Variants in GRM7 observed in about 807,000 individuals in gnomAD.
GRM7 encodes the protein metabotropic glutamate receptor 7.
In GRM7, 35 loss-of-function variants were observed where a neutral mutation model predicts 84.5. The ratio of observed to expected loss-of-function variants is 0.41; its 90% CI spans 0.32 to 0.55. GRM7 has a LOEUF of 0.55. GRM7 is among the 20% of genes least tolerant of loss of function. The probability of loss-of-function intolerance (pLI) is 0.19; values close to 1 mark genes in which losing one functional copy is unlikely to be tolerated. For synonymous variants in GRM7, 487 were observed against 455.1 expected (o/e 1.07, Z -0.89); for missense variants, 1,003 against 1,194.6 (o/e 0.84, Z 2.36).
chr3:7,146,709 C>T lies in GRM7; in HGVS notation c.736+41C>T, dbSNP rs140139253. Reference sequence around the variant, plus strand: ...TCTGATCAAGCTGGCTCTCTTCAAACGTCTGTGGCTTGTAGAGTTCTCTTC... The same window carrying T: ...TCTGATCAAGCTGGCTCTCTTCAAATGTCTGTGGCTTGTAGAGTTCTCTTC... On this transcript the variant is annotated intron_variant, in intron 2 of 9. Coordinates refer to ENST00000357716, the MANE Select transcript of GRM7 (RefSeq NM_000844.4). The T allele has an allele frequency of 3.2e-3, 4,418 of 1,397,240 alleles. 32 individuals carry two copies. The highest frequency in any genetic ancestry group is 0.018 in the Middle Eastern group (101 of 5,642). 86.6% of individuals were successfully genotyped at this position (1,397,240 alleles called of 1,614,324 possible).
intron 9 of GRM7, among the ~76,000 whole-genome samples, chr3:7,703,176 T>C (rs568068169): frequency 4.3e-4 from 66 of 152,236 alleles, no homozygotes; most frequent in African/African-American, 1.5e-3. Flanking sequence ...GTAGCATTGC[T>C]CTAATGTTCT....
Position 6,985,995 on chromosome 3 carries a change from G to A in GRM7, c.519+124088G>A, listed in dbSNP as rs924899578. ...AAGTGTGAGGTGACAGCTCATTGTA[G>A]TTTTGATTTGCCTTTTCCTGGTGAC... On this transcript the variant is annotated intron_variant, in intron 1 of 9. Coordinates refer to ENST00000357716, the MANE Select transcript of GRM7 (RefSeq NM_000844.4). Among the ~76,000 whole-genome samples the A allele has an allele frequency of 2.6e-5, 4 of 152,142 alleles. 1 individual carries two copies. Among genetic ancestry groups the A allele is most frequent in the Non-Finnish European group, 4.4e-5 (3 of 68,030 alleles).
intron 7 of GRM7, among the ~76,000 whole-genome samples, chr3:7,484,218 G>A (rs1422245570): frequency 6.6e-6 from 1 of 152,126 alleles, no homozygotes; most frequent in Admixed American, 6.5e-5. Context: ...TACATACGTG[G>A]GTTTGTTTTT....
chr3:7,564,809 C>T (rs999340476), intron 7 of GRM7, among the ~76,000 whole-genome samples: 2 of 152,090 alleles, frequency 1.3e-5, no homozygotes, highest in Non-Finnish European at 2.9e-5. Context: ...TTACTAGAGG[C>T]GATGAAGCCA....
rs558923551 is a variant in GRM7, at chr3:7,003,555, C to A, written c.519+141648C>A. The stretch of plus-strand genomic sequence containing the variant: ...GAGATGCTGCTGGTCTACATTATGA[C>A]TTTTGCCCACTGTAAGAGTGATAGG... On this transcript the variant is annotated intron_variant, in intron 1 of 9. Transcript: ENST00000357716. 1.3e-5 allele frequency among the ~76,000 whole-genome samples: 2 copies of A among 152,254 alleles called. 1 individual carries two copies. The highest frequency in any genetic ancestry group is 3.9e-4 in the East Asian group (2 of 5,170).
chr3:6,947,501 G>C (rs1698133720), intron 1 of GRM7, among the ~76,000 whole-genome samples: 1 of 152,094 alleles, frequency 6.6e-6, no homozygotes, highest in African/African-American at 2.4e-5. Flanking sequence ...CAAGGATATT[G>C]GTCTAAAATT....
At chr3:7,283,162 G>T (rs1699313243) in intron 2 of GRM7, among the ~76,000 whole-genome samples, 1 of 152,056 alleles carries the variant, frequency 6.6e-6, no homozygotes, top group Admixed American at 6.6e-5. Context: ...AAGACCATGG[G>T]TCTAGAGTCA....
At chr3:6,944,556 A>G (rs1296853849) in intron 1 of GRM7, among the ~76,000 whole-genome samples, 1 of 152,044 alleles carries the variant, frequency 6.6e-6, no homozygotes, top group Non-Finnish European at 1.5e-5. Context: ...TCATTTTTAT[A>G]TGTTGTTGGA....
intron 1 of GRM7, among the ~76,000 whole-genome samples, chr3:6,901,322 G>A (rs1331343384): frequency 6.6e-6 from 1 of 152,110 alleles, no homozygotes; most frequent in East Asian, 1.9e-4. Context: ...TATGTAGGCT[G>A]GGCGCAGTGG....
intron 1 of GRM7, among the ~76,000 whole-genome samples, chr3:7,057,087 C>G (rs766451727): frequency 3.2e-4 from 48 of 151,898 alleles, no homozygotes; most frequent in Admixed American, 2.6e-3. Context: ...AGGTTCATTT[C>G]AAGAGCATTT....
chr3:7,075,826 A>G (rs1333525129), intron 1 of GRM7, among the ~76,000 whole-genome samples: 2 of 152,102 alleles, frequency 1.3e-5, no homozygotes, highest in African/African-American at 4.8e-5. Flanking sequence ...GTGCCTGGCT[A>G]GATGTACATA....
chr3:7,345,835 A>G (rs1692866042), intron 4 of GRM7, among the ~76,000 whole-genome samples: 1 of 151,904 alleles, frequency 6.6e-6, no homozygotes, highest in Non-Finnish European at 1.5e-5. Flanking sequence ...AGAGCCTCAA[A>G]AAAAAAATCA....
At chr3:7,115,646 T>A (rs1693006409) in intron 1 of GRM7, among the ~76,000 whole-genome samples, 1 of 152,148 alleles carries the variant, frequency 6.6e-6, no homozygotes, top group Non-Finnish European at 1.5e-5. Flanking sequence ...CTATGGGAAG[T>A]CATTCAGGAC....
chr3:7,478,645 G>T (rs1699016597), intron 7 of GRM7, among the ~76,000 whole-genome samples: 2 of 152,148 alleles, frequency 1.3e-5, no homozygotes, highest in Admixed American at 1.3e-4. Flanking sequence ...TAAGTTACTG[G>T]ATCATGGGCA....
rs184237040 is a variant in GRM7, at chr3:7,106,085, C to T, written c.520-40367C>T. ...CATTCAACTTAATTCAGTCCATTTT[C>T]TTCTTTGTTTATTTATTCACTTAAC... On this transcript the variant is annotated intron_variant, in intron 1 of 9. Transcript: ENST00000357716. Among the ~76,000 whole-genome samples the T allele has an allele frequency of 3.1e-3, 465 of 151,298 alleles. 2 individuals carry two copies. The highest frequency in any genetic ancestry group is 3.5e-3 in the Non-Finnish European group (239 of 67,870).
chr3:7,136,216 A>G (rs1693766430), intron 1 of GRM7, among the ~76,000 whole-genome samples: 1 of 151,728 alleles, frequency 6.6e-6, no homozygotes, highest in Non-Finnish European at 1.5e-5. Context: ...TGGCAGTAGT[A>G]ATGTTAACAT....
intron 1 of GRM7, among the ~76,000 whole-genome samples, chr3:6,940,385 C>T (rs904392771): frequency 9.2e-5 from 14 of 152,150 alleles, no homozygotes; most frequent in African/African-American, 3.4e-4. Flanking sequence ...CCACTGCGCC[C>T]GGCCCGTTTT....
chr3:7,454,974 T>C (rs1697943675), intron 6 of GRM7, among the ~76,000 whole-genome samples: 1 of 152,058 alleles, frequency 6.6e-6, no homozygotes, highest in African/African-American at 2.4e-5. Flanking sequence ...TAGAAAATGG[T>C]TGGGACCAGG....
At chr3:7,351,339 G>GCAAAA (rs1553564946) in intron 4 of GRM7, among the ~76,000 whole-genome samples, 1 of 45,904 alleles carries the variant, frequency 2.2e-5, no homozygotes, top group Non-Finnish European at 3.9e-5. Context: ...TCCCACAGGC[G>GCAAAA]AAAAAAAAAA....
Sources: allele counts gnomAD v4.1 joint callset (sites outside exome capture counted in the v4.1 genomes callset), GRCh38; gene constraint gnomAD v4.1.1; transcripts MANE v1.5; gene names NCBI Gene and HGNC (gene_info 2026-07-23, HGNC 2026-07-21).